DPCD: variants seen among roughly 807,000 people sequenced by gnomAD.
The protein encoded by DPCD is deleted in primary ciliary dyskinesia homolog (mouse), also known as protein DPCD.
A neutral mutation model predicts 26.4 loss-of-function variants in DPCD; 20 were observed. The observed-to-expected ratio is 0.76, with a 90% CI of 0.53 to 1.10. The LOEUF (loss-of-function observed/expected upper bound fraction) is 1.10, where lower values mean the gene tolerates loss of function less well. Ranked by LOEUF, DPCD falls within the 50% of genes least tolerant of loss-of-function variation. The pLI, the probability that DPCD is intolerant of heterozygous loss-of-function variation, is 0.00. For synonymous variants in DPCD, 97 were observed against 94.2 expected (o/e 1.03, Z -0.17); for missense variants, 202 against 253.9 (o/e 0.80, Z 1.39).
intron 1 of DPCD, among the ~76,000 whole-genome samples, chr10:101,592,116 T>C (rs2063614130): frequency 1.3e-5 from 2 of 152,154 alleles, no homozygotes; most frequent in Admixed American, 6.5e-5. Flanking sequence ...ATAAATATAC[T>C]ATTAAAACAA....
intron 1 of DPCD, among the ~76,000 whole-genome samples, chr10:101,591,387 T>C (rs887685358): frequency 6.6e-6 from 1 of 152,196 alleles, no homozygotes; most frequent in African/African-American, 2.4e-5. Context: ...CTTTTGTTAG[T>C]AGCATCACAA....
At chr10:101,607,521 C>T (rs2063741079) in intron 4 of DPCD, among the ~76,000 whole-genome samples, 1 of 152,104 alleles carries the variant, frequency 6.6e-6, no homozygotes, top group African/African-American at 2.4e-5. Flanking sequence ...GAGTGGGGAA[C>T]CTGGGAGGAG....
intron 1 of DPCD, among the ~76,000 whole-genome samples, chr10:101,593,023 C>G (rs553657415): frequency 6.1e-4 from 93 of 151,772 alleles, no homozygotes; most frequent in Admixed American, 1.3e-3. Context: ...AAAAAAAAAC[C>G]CTCACTTTTC....
rs938040773 is a variant in DPCD, at chr10:101,603,264, C to T, written c.404+1928C>T. ...GCTGAACCCTTAGCCAGATCGTTCC[C>T]GAACCTAGTGGCATTTTTACCTTCT... On this transcript the variant is annotated intron_variant, in intron 4 of 5. Transcript: ENST00000370151. This position sits in a 1 kb window ranked among gnomAD's most constrained non-coding sequence, Gnocchi z 4.6. Among the ~76,000 whole-genome samples the T allele has an allele frequency of 8.5e-5, 13 of 152,134 alleles. No individual in the cohort carries two copies. The highest frequency in any genetic ancestry group is 2.2e-4 in the African/African-American group (9 of 41,418).
chr10:101,599,212 G>T (rs1422505018), intron 2 of DPCD, among the ~76,000 whole-genome samples: 1 of 152,184 alleles, frequency 6.6e-6, no homozygotes, highest in Non-Finnish European at 1.5e-5. Flanking sequence ...AGGGTACATG[G>T]ATCTTTTCAC....
At chr10:101,605,035 G>A in intron 4 of DPCD, 3 of 1,491,070 alleles carry the variant, frequency 2.0e-6, no homozygotes, top group South Asian at 2.5e-5. Context: ...CCTTTAGTAT[G>A]TGTGTGTGAT....
At chr10:101,602,392 G>A (rs2063704440) in intron 4 of DPCD, among the ~76,000 whole-genome samples, 1 of 152,166 alleles carries the variant, frequency 6.6e-6, no homozygotes, top group African/African-American at 2.4e-5. Context: ...CCTGGGTGCT[G>A]CCATCCTCTT....
chr10:101,601,214 G>T lies in DPCD; in HGVS notation c.282G>T (p.Met94Ile), dbSNP rs770149026. Residue 94 changes from methionine to isoleucine, a missense_variant, in exon 4 of 6, where the codon ATG (methionine) becomes ATT (isoleucine). Physicochemically the swap from Met to Ile is conservative, Grantham distance 10. Transcript: ENST00000370151. ...IKESNANPIFMRKDTKMSFQW... is the reference protein window; with the variant it reads ...IKESNANPIFIRKDTKMSFQW... ...TTTGCCTTCTGCAGCCTATCTTCATGCGCAAGGACACCAAGATGAGTTTCC... is the reference window on the plus strand; with the variant it reads ...TTTGCCTTCTGCAGCCTATCTTCATTCGCAAGGACACCAAGATGAGTTTCC... The T allele has an allele frequency of 6.2e-7, 1 of 1,613,790 alleles. No individual in the cohort carries two copies. The highest frequency in any genetic ancestry group is 1.1e-5 in the South Asian group (1 of 91,044).
chr10:101,591,447 G>A (rs926066512), intron 1 of DPCD, among the ~76,000 whole-genome samples: 2 of 152,080 alleles, frequency 1.3e-5, no homozygotes. Flanking sequence ...AAACAACTCA[G>A]TATTGCATAT....
intron 1 of DPCD, among the ~76,000 whole-genome samples, chr10:101,589,271 G>T (rs1375933966): frequency 1.3e-5 from 2 of 152,238 alleles, no homozygotes; most frequent in African/African-American, 4.8e-5. Flanking sequence ...AACTAGAACA[G>T]AAAGAAAAAG....
At chr10:101,597,407 T>C (rs1463835941) in intron 2 of DPCD, among the ~76,000 whole-genome samples, 1 of 152,248 alleles carries the variant, frequency 6.6e-6, no homozygotes, top group African/African-American at 2.4e-5. Context: ...CAGTTGAAGC[T>C]GCAGGGAACA....
intron 3 of DPCD, 33 bp from the exon 4 acceptor site, chr10:101,601,170 G>A: frequency 1.9e-6 from 3 of 1,612,894 alleles, no homozygotes; most frequent in East Asian, 2.2e-5. Flanking sequence ...CCTTCCCCAG[G>A]AACAGTCCTC....
chr10:101,588,488 G>T, intron 1 of DPCD, 88 bp downstream of exon 1: 1 of 1,526,740 alleles, frequency 6.5e-7, no homozygotes. Flanking sequence ...GGTCGGCAGA[G>T]CTGGAAGGGT....
chr10:101,605,390 A>C (rs1416301666), intron 4 of DPCD, among the ~76,000 whole-genome samples: 1 of 152,216 alleles, frequency 6.6e-6, no homozygotes, highest in African/African-American at 2.4e-5. Flanking sequence ...TGAAATAGTC[A>C]AAATGGAGGA....
chr10:101,590,374 G>A (rs2063597271), intron 1 of DPCD, among the ~76,000 whole-genome samples: 1 of 152,132 alleles, frequency 6.6e-6, no homozygotes, highest in Non-Finnish European at 1.5e-5. Context: ...GGGACATATT[G>A]TGATAGATCT....
At chr10:101,590,721 G>A (rs911729466) in intron 1 of DPCD, among the ~76,000 whole-genome samples, 2 of 151,918 alleles carry the variant, frequency 1.3e-5, no homozygotes. Context: ...TGGGACTACA[G>A]GCATGTGCCA....
chr10:101,607,541 G>A (rs2063741761), intron 4 of DPCD, among the ~76,000 whole-genome samples: 3 of 152,256 alleles, frequency 2.0e-5, no homozygotes, highest in Middle Eastern at 3.4e-3. Context: ...GAGGGGCCCC[G>A]AGAGCCTCTG....
chr10:101,607,971 G>A (rs1483908395), intron 4 of DPCD, among the ~76,000 whole-genome samples: 2 of 152,156 alleles, frequency 1.3e-5, no homozygotes, highest in East Asian at 1.9e-4. Flanking sequence ...CATCCCTACC[G>A]ACAACTGGCC....
rs1355184629 is a variant in DPCD at position 101,609,500 on chromosome 10, CA to C, written c.*30del. 6.3e-7 allele frequency: 1 copy of C among 1,599,506 alleles called. No homozygotes were observed. Among genetic ancestry groups the C allele is most frequent in the African/African-American group, 1.3e-5 (1 of 74,636 alleles). ...GCCCCTGAGCCTTATACCTCCACCA[CA>C]GGGGGTGCCGTGAGACTTCAAGGCT... is the stretch of plus-strand genomic sequence containing the variant. On this transcript the variant is annotated 3_prime_UTR_variant, in exon 6 of 6. Coordinates refer to ENST00000370151, the MANE Select transcript of DPCD (RefSeq NM_015448.3).
Sources: allele counts gnomAD v4.1 joint callset (sites outside exome capture counted in the v4.1 genomes callset), GRCh38; gene constraint gnomAD v4.1.1; non-coding constraint Gnocchi (gnomAD v3.1); transcripts MANE v1.5; gene names NCBI Gene and HGNC (gene_info 2026-07-23, HGNC 2026-07-21).